HS6ST3: variants seen among roughly 807,000 people sequenced by gnomAD.
The protein encoded by HS6ST3 is heparan sulfate 6-O-sulfotransferase 3, also known as heparan-sulfate 6-O-sulfotransferase 3.
HS6ST3 carries 12 observed loss-of-function variants against 36.7 expected under a neutral mutation model. The ratio of observed to expected loss-of-function variants is 0.33; its 90% CI spans 0.21 to 0.53. The LOEUF (loss-of-function observed/expected upper bound fraction) is 0.53, where lower values mean the gene tolerates loss of function less well. Ranked by LOEUF, HS6ST3 falls within the 20% of genes least tolerant of loss-of-function variation. HS6ST3 has a pLI of 0.95. For missense variants in HS6ST3, 584 were observed against 640.9 expected (o/e 0.91, Z 0.96); for synonymous variants, 240 against 257.5 (o/e 0.93, Z 0.65).
intron 1 of HS6ST3, among the ~76,000 whole-genome samples, chr13:96,532,113 C>G (rs1333561015): frequency 6.6e-6 from 1 of 152,158 alleles, no homozygotes; most frequent in Non-Finnish European, 1.5e-5. Context: ...AGTCAGGCCT[C>G]TCAGTATGCT....
chr13:96,640,792 A>G (rs569243670), intron 1 of HS6ST3, among the ~76,000 whole-genome samples: 3 of 152,032 alleles, frequency 2.0e-5, no homozygotes, highest in African/African-American at 7.2e-5. Context: ...CAGTTATCCC[A>G]GCACCATTTA....
At chr13:96,430,760 T>G (rs1305432851) in intron 1 of HS6ST3, among the ~76,000 whole-genome samples, 16 of 152,204 alleles carry the variant, frequency 1.1e-4, no homozygotes, top group Admixed American at 1.0e-3. Flanking sequence ...AGCCACTCCC[T>G]TCGGAAGCTG....
intron 1 of HS6ST3, among the ~76,000 whole-genome samples, chr13:96,583,231 TG>T: frequency 7.1e-6 from 1 of 141,614 alleles, no homozygotes; most frequent in East Asian, 2.1e-4. Flanking sequence ...TTTTTTTTTT[TG>T]AGACGGAGTC....
intron 1 of HS6ST3, among the ~76,000 whole-genome samples, chr13:96,130,117 A>G (rs1390898645): frequency 1.3e-5 from 2 of 152,228 alleles, no homozygotes; most frequent in Non-Finnish European, 2.9e-5. Context: ...AAATGAGAAT[A>G]TGTAATTTTG....
At chr13:96,107,589 A>G (rs2053847488) in intron 1 of HS6ST3, among the ~76,000 whole-genome samples, 1 of 152,170 alleles carries the variant, frequency 6.6e-6, no homozygotes, top group South Asian at 2.1e-4. Context: ...TTCCTCTGCA[A>G]GTCAGACTTC....
At chr13:96,586,566 G>A (rs931031842) in intron 1 of HS6ST3, among the ~76,000 whole-genome samples, 3 of 151,740 alleles carry the variant, frequency 2.0e-5, no homozygotes, top group African/African-American at 7.2e-5. Context: ...AAAGTGCTAT[G>A]ATTACAGGCA....
At chr13:96,778,122 T>G (rs768090266) in intron 1 of HS6ST3, among the ~76,000 whole-genome samples, 1 of 152,222 alleles carries the variant, frequency 6.6e-6, no homozygotes, top group South Asian at 2.1e-4. Context: ...GACAGCCATA[T>G]GCAGAAAACT....
chr13:96,366,969 G>A (rs538341169), intron 1 of HS6ST3, among the ~76,000 whole-genome samples: 2 of 152,020 alleles, frequency 1.3e-5, no homozygotes, highest in African/African-American at 2.4e-5. Context: ...TCCCTCCTTC[G>A]CCTTCTGCCG....
chr13:96,191,299 G>A (rs11619375), intron 1 of HS6ST3, among the ~76,000 whole-genome samples: 6,255 of 152,182 alleles, frequency 0.041, 207 homozygotes, highest in African/African-American at 0.086. Flanking sequence ...CCATTCCAGC[G>A]TAAAGACATT....
At chr13:96,328,392 G>C (rs1327254427) in intron 1 of HS6ST3, among the ~76,000 whole-genome samples, 25 of 151,874 alleles carry the variant, frequency 1.6e-4, no homozygotes, top group Admixed American at 2.6e-4. Context: ...TAGCATGAAG[G>C]GTTGTTGAAT....
chr13:96,182,197 T>C (rs1225665732), intron 1 of HS6ST3, among the ~76,000 whole-genome samples: 1 of 152,224 alleles, frequency 6.6e-6, no homozygotes, highest in African/African-American at 2.4e-5. Flanking sequence ...TGTAAAGTCC[T>C]CTCTTACATT....
chr13:96,191,210 C>T (rs1376193443), intron 1 of HS6ST3, among the ~76,000 whole-genome samples: 1 of 152,170 alleles, frequency 6.6e-6, no homozygotes, highest in Non-Finnish European at 1.5e-5. Context: ...GTTTTTTCTG[C>T]CTCTAGACTT....
At chr13:96,279,031 A>C (rs1594741259) in intron 1 of HS6ST3, among the ~76,000 whole-genome samples, 1 of 152,336 alleles carries the variant, frequency 6.6e-6, no homozygotes, top group South Asian at 2.1e-4. Context: ...TGAGCAGCCC[A>C]GGTTACGGAC....
intron 1 of HS6ST3, among the ~76,000 whole-genome samples, chr13:96,530,283 TAA>T (rs2056130549): frequency 6.6e-6 from 1 of 152,170 alleles, no homozygotes; most frequent in Non-Finnish European, 1.5e-5. Context: ...TCCTAGGGAT[TAA>T]TGGAACATAA....
chr13:96,347,586 C>A (rs893016620), intron 1 of HS6ST3, among the ~76,000 whole-genome samples: 1 of 152,090 alleles, frequency 6.6e-6, no homozygotes, highest in Non-Finnish European at 1.5e-5. Context: ...TATGACTCAA[C>A]CATGGTTAAC....
chr13:96,429,806 G>A (rs1312652951), intron 1 of HS6ST3, among the ~76,000 whole-genome samples: 2 of 152,004 alleles, frequency 1.3e-5, no homozygotes, highest in African/African-American at 4.8e-5. Flanking sequence ...CTCTTTTTTT[G>A]TTGTCAGAAT....
intron 1 of HS6ST3, among the ~76,000 whole-genome samples, chr13:96,524,304 T>C (rs571348966): frequency 1.3e-5 from 2 of 152,288 alleles, no homozygotes; most frequent in South Asian, 4.1e-4. Flanking sequence ...CCAGTCAGGC[T>C]ACACAGGGGT....
At chr13:96,144,154 T>C (rs928931733) in intron 1 of HS6ST3, among the ~76,000 whole-genome samples, 1 of 152,202 alleles carries the variant, frequency 6.6e-6, no homozygotes, top group Non-Finnish European at 1.5e-5. Flanking sequence ...GGATAAAATA[T>C]CTGTTTGGCA....
chr13:96,385,947 T>C (rs2055365734), intron 1 of HS6ST3, among the ~76,000 whole-genome samples: 1 of 152,178 alleles, frequency 6.6e-6, no homozygotes, highest in Non-Finnish European at 1.5e-5. Context: ...ACTATGTACA[T>C]GTAGTGCCTG....
Sources: gnomAD v4.1 joint callset for allele counts (sites outside exome capture counted in the v4.1 genomes callset) on GRCh38, gnomAD v4.1.1 for gene constraint, MANE v1.5 for transcripts, NCBI Gene and HGNC (gene_info 2026-07-23, HGNC 2026-07-21) for gene names.